The following WNT8B variants were observed in gnomAD, a reference collection of about 807,000 sequenced individuals.
WNT8B encodes the protein protein Wnt-8b.
In WNT8B, 24 loss-of-function variants were observed where a neutral mutation model predicts 36.6. That is an observed-to-expected ratio of 0.66 (90% CI 0.48 to 0.92). The LOEUF (loss-of-function observed/expected upper bound fraction) is 0.92. WNT8B is among the 40% of genes least tolerant of loss of function. The pLI, the probability that WNT8B is intolerant of heterozygous loss-of-function variation, is 0.00. For missense variants in WNT8B, 402 were observed against 470.8 expected (o/e 0.85, Z 1.35); for synonymous variants, 199 against 189.8 (o/e 1.05, Z -0.40).
At chr10:100,477,940 C>CTGTTTTTTT (rs1169521181) in intron 1 of WNT8B, among the ~76,000 whole-genome samples, 11 of 145,164 alleles carry the variant, frequency 7.6e-5, no homozygotes, top group African/African-American at 2.5e-4. Flanking sequence ...CCATGCCTAG[C>CTGTTTTTTT]TATTTTTTTT....
chr10:100,479,763 A>T, intron 2 of WNT8B, 111 bp from the exon 3 acceptor site: 1 of 1,341,296 alleles, frequency 7.5e-7, no homozygotes, highest in Non-Finnish European at 1.0e-6. Flanking sequence ...TTAAAGGCTT[A>T]CTCCATTATT....
intron 3 of WNT8B, 36 bp from the exon 4 acceptor site, chr10:100,480,962 C>T: frequency 6.2e-7 from 1 of 1,605,992 alleles, no homozygotes; most frequent in African/African-American, 1.3e-5. Flanking sequence ...AAGCTGAAAC[C>T]CCTCCCTCTA....
At chr10:100,468,919 C>T (rs911328577) in intron 1 of WNT8B, among the ~76,000 whole-genome samples, 3 of 152,144 alleles carry the variant, frequency 2.0e-5, no homozygotes, top group Non-Finnish European at 4.4e-5. Flanking sequence ...AGGACTACTG[C>T]TAAGATTGTC....
In WNT8B at chr10:100,482,908, C is replaced by A; in HGVS notation, c.*92C>A. ...GAACCTAGGGAATGGGGAACCCGCT[C>A]TCCCAGACCTAGGGATCCTGAGAGG... On this transcript the variant is annotated 3_prime_UTR_variant, in exon 6 of 6. Transcript: ENST00000343737. The surrounding 1 kb of genome is among the most constrained non-coding windows in gnomAD (Gnocchi z 6.6). The A allele has an allele frequency of 7.4e-7, 1 of 1,346,850 alleles. No individual in the cohort carries two copies. The highest frequency in any genetic ancestry group is 1.6e-5 in the South Asian group (1 of 61,812). The allele number at this position is 1,346,850 out of a possible 1,614,324, so 83.4% of individuals were successfully genotyped here.
intron 1 of WNT8B, among the ~76,000 whole-genome samples, chr10:100,475,374 C>CA (rs1227105556): frequency 9.9e-5 from 15 of 151,746 alleles, no homozygotes; most frequent in Admixed American, 4.6e-4. Flanking sequence ...AAACAAACAA[C>CA]AAAAAAAACA....
At chr10:100,469,999 C>T (rs1039952633) in intron 1 of WNT8B, among the ~76,000 whole-genome samples, 1 of 152,252 alleles carries the variant, frequency 6.6e-6, no homozygotes, top group African/African-American at 2.4e-5. Context: ...TATATGCCTT[C>T]TGTGCTAAAT....
Position 100,463,046 on chromosome 10 carries a change from A to T in WNT8B, c.-123A>T. On this transcript the variant is annotated 5_prime_UTR_variant, in exon 1 of 6. Coordinates refer to ENST00000343737, the MANE Select transcript of WNT8B (RefSeq NM_003393.4). ...CCCTTAACTCTGTTTGGGATCGCTT[A>T]CACACCAAGGAAGTTGGGCTTTGAG... is the stretch of plus-strand genomic sequence containing the variant. The T allele has an allele frequency of 1.2e-6, 1 of 848,524 alleles. No homozygotes were observed. The highest frequency in any genetic ancestry group is 1.7e-5 in the South Asian group (1 of 59,940). 52.6% of individuals were successfully genotyped at this position (848,524 alleles called of 1,614,324 possible).
intron 1 of WNT8B, among the ~76,000 whole-genome samples, chr10:100,465,591 A>G (rs1347758010): frequency 6.6e-6 from 1 of 152,226 alleles, no homozygotes; most frequent in Non-Finnish European, 1.5e-5. Flanking sequence ...TCACCAAATC[A>G]GAAGGATGCC....
intron 1 of WNT8B, among the ~76,000 whole-genome samples, chr10:100,465,708 C>T (rs1850900870): frequency 6.6e-6 from 1 of 152,178 alleles, no homozygotes; most frequent in Non-Finnish European, 1.5e-5. Flanking sequence ...GGGTCCATTT[C>T]TCTTCTGCAG....
chr10:100,464,778 C>T (rs1850892713), intron 1 of WNT8B, among the ~76,000 whole-genome samples: 1 of 152,208 alleles, frequency 6.6e-6, no homozygotes, highest in Non-Finnish European at 1.5e-5. Context: ...GTACAAATCT[C>T]CTTTATAATA....
intron 2 of WNT8B, among the ~76,000 whole-genome samples, 184 bp downstream of exon 2, chr10:100,479,269 G>T (rs902760233): frequency 3.3e-5 from 5 of 152,174 alleles, no homozygotes; most frequent in African/African-American, 1.2e-4. Flanking sequence ...ACCACTGTCA[G>T]CGCCAAGATA....
At chr10:100,477,529 G>T (rs1851053331) in intron 1 of WNT8B, among the ~76,000 whole-genome samples, 1 of 152,044 alleles carries the variant, frequency 6.6e-6, no homozygotes, top group South Asian at 2.1e-4. Flanking sequence ...TCGATCTCCT[G>T]ACCTCATGAT....
At chr10:100,475,611 A>C (rs1851029421) in intron 1 of WNT8B, among the ~76,000 whole-genome samples, 1 of 152,142 alleles carries the variant, frequency 6.6e-6, no homozygotes, top group African/African-American at 2.4e-5. Flanking sequence ...TCTTCACCCC[A>C]GCTATGGCAA....
chr10:100,478,796 T>G (rs1397108787), intron 1 of WNT8B, among the ~76,000 whole-genome samples: 2 of 152,156 alleles, frequency 1.3e-5, no homozygotes, highest in Non-Finnish European at 2.9e-5. Context: ...TTGGCCATGC[T>G]GGTCTCAAAC....
chr10:100,470,073 A>T (rs1331667464), intron 1 of WNT8B, among the ~76,000 whole-genome samples: 1 of 151,908 alleles, frequency 6.6e-6, no homozygotes, highest in Non-Finnish European at 1.5e-5. Flanking sequence ...CTGGGCCAGC[A>T]CTCCAATTTC....
At chr10:100,472,641 A>G (rs1454022974) in intron 1 of WNT8B, among the ~76,000 whole-genome samples, 1 of 152,212 alleles carries the variant, frequency 6.6e-6, no homozygotes, top group Non-Finnish European at 1.5e-5. Context: ...ACACACACAC[A>G]CGTATACTGG....
Position 100,482,426 on chromosome 10 carries a change from G to T in WNT8B, c.666G>T (p.Gln222His). 6.2e-7 allele frequency: 1 copy of T among 1,606,896 alleles called. No individual in the cohort carries two copies. ...YHAALKVDLL[Q>H]GAGNSAAGRG... is the part of the protein sequence containing the mutation. ...CAGCACTCAAGGTGGACCTGCTGCA[G>T]GGTGCTGGCAACAGCGCGGCCGGCC... is the stretch of plus-strand genomic sequence containing the variant. The change falls in exon 6 of 6, where the codon CAG (glutamine) becomes CAT (histidine). Residue 222 changes from glutamine (Q) to histidine (H), a missense_variant. Transcript: ENST00000343737. This position sits in a 1 kb window ranked among gnomAD's most constrained non-coding sequence, Gnocchi z 6.6.
Position 100,482,705 on chromosome 10 carries a change from G to A in WNT8B, c.945G>A (p.Trp315Ter). 2 of 1,610,112 alleles carry A rather than the reference G, an allele frequency of 1.2e-6. No homozygotes were observed. The highest frequency in any genetic ancestry group is 1.7e-6 in the Non-Finnish European group (2 of 1,178,970). ...TVSSCNCKFHWCCAVRCEQCR... is the reference protein window; with the variant it reads ...TVSSCNCKFH ...CCAGCTGCAACTGCAAGTTCCACTG[G>A]TGCTGCGCAGTCCGCTGCGAGCAGT... The change falls in exon 6 of 6, where the codon TGG becomes TGA. Residue 315 changes from tryptophan to a stop codon, truncating the protein, a stop_gained. Coordinates refer to ENST00000343737, the MANE Select transcript of WNT8B (RefSeq NM_003393.4). LOFTEE classifies it high-confidence loss of function. This position sits in a 1 kb window ranked among gnomAD's most constrained non-coding sequence, Gnocchi z 6.6.
At position 100,483,011 on chromosome 10, in the gene WNT8B, T is replaced by TTTTTTA; in HGVS notation, c.*195_*196insTTTTTA. On this transcript the variant is annotated 3_prime_UTR_variant, in exon 6 of 6. Transcript: ENST00000343737. Reference sequence around the variant, plus strand: ...TCCTCTGTGCTCTCCTAGAGCTCTGTCTGAATCCTCGCAGCCACACCTAGG... The same window carrying TTTTTTA: ...TCCTCTGTGCTCTCCTAGAGCTCTGTTTTTTACTGAATCCTCGCAGCCACACCTAGG... 1 of 594,994 alleles carries TTTTTTA rather than the reference T, an allele frequency of 1.7e-6. No individual in the cohort carries two copies. The highest frequency in any genetic ancestry group is 3.1e-5 in the South Asian group (1 of 32,146). 36.9% of individuals were successfully genotyped at this position (594,994 alleles called of 1,614,324 possible).
Sources: gnomAD v4.1 joint callset for allele counts (sites outside exome capture counted in the v4.1 genomes callset) on GRCh38, gnomAD v4.1.1 for gene constraint, Gnocchi (gnomAD v3.1) non-coding constraint, MANE v1.5 for transcripts, NCBI Gene and HGNC (gene_info 2026-07-23, HGNC 2026-07-21) for gene names.